MCC: variants seen among roughly 807,000 people sequenced by gnomAD.
MCC encodes colorectal mutant cancer protein.
In MCC, 90 loss-of-function variants were observed where a neutral mutation model predicts 116.2. The ratio of observed to expected loss-of-function variants is 0.77; its 90% CI spans 0.65 to 0.92. The LOEUF (loss-of-function observed/expected upper bound fraction) is 0.92. Among genes scored for constraint, MCC ranks in the 40% least tolerant of loss-of-function variants. The pLI, the probability that MCC is intolerant of heterozygous loss-of-function variation, is 0.00. For missense variants in MCC, 1,516 were observed against 1,312.2 expected, an observed-to-expected ratio of 1.16 and a Z score of -2.40; for synonymous variants, 578 against 510.5, an observed-to-expected ratio of 1.13 and a Z score of -1.78.
intron 3 of MCC, among the ~76,000 whole-genome samples, chr5:113,334,964 T>C (rs1270368816): frequency 1.3e-5 from 2 of 151,746 alleles, no homozygotes; most frequent in African/African-American, 4.9e-5. Flanking sequence ...AATTCCAATA[T>C]TTTATTTGTC....
At chr5:113,467,167 G>A (rs1216104705) in intron 1 of MCC, among the ~76,000 whole-genome samples, 2 of 151,880 alleles carry the variant, frequency 1.3e-5, no homozygotes, top group Non-Finnish European at 1.5e-5. Flanking sequence ...TTCTTTTGCT[G>A]TGCAGAAGCT....
chr5:113,129,937 A>G (rs1372398452), intron 5 of MCC, among the ~76,000 whole-genome samples: 1 of 152,254 alleles, frequency 6.6e-6, no homozygotes, highest in East Asian at 1.9e-4. Flanking sequence ...CAATTCCTCA[A>G]GGATCTAGAA....
intron 1 of MCC, among the ~76,000 whole-genome samples, chr5:113,468,217 T>A (rs1459785777): frequency 6.6e-6 from 1 of 152,190 alleles, no homozygotes; most frequent in African/African-American, 2.4e-5. Context: ...TCCAACACTA[T>A]GTTGAATAGG....
At position 113,327,561 on chromosome 5, in the gene MCC, A is replaced by AAAATATATATATAT. The variant is rs1480996383; in HGVS notation, c.627+12957_627+12958insATATATATATATTT. On this transcript the variant is annotated intron_variant, in intron 3 of 18. Transcript: ENST00000408903. ...ACTCAGTCTCAAAAAAAAAAAAAAA[A>AAAATATATATATAT]ATATATATATATATATATATATATA... Among the ~76,000 whole-genome samples, 98 of 80,510 alleles carry AAAATATATATATAT rather than the reference A, an allele frequency of 1.2e-3. 1 individual carries two copies. The highest frequency in any genetic ancestry group is 2.8e-3 in the African/African-American group (57 of 20,066). 52.8% of individuals were successfully genotyped at this position (80,510 alleles called of 152,430 possible). A position where few individuals can be genotyped will look rare whatever the true frequency, so the allele number is the denominator to read the frequency against.
intron 16 of MCC, among the ~76,000 whole-genome samples, chr5:113,047,055 C>G (rs928133887): frequency 5.9e-5 from 9 of 152,226 alleles, no homozygotes; most frequent in Non-Finnish European, 1.0e-4. Context: ...ACCTGCCCCT[C>G]TTCAACAGGC....
At chr5:113,069,726 C>A (rs138698685) in intron 12 of MCC, among the ~76,000 whole-genome samples, 1 of 152,170 alleles carries the variant, frequency 6.6e-6, no homozygotes, top group Admixed American at 6.5e-5. Context: ...GGACTACAGG[C>A]GTCCACCACC....
In MCC at chr5:113,101,721, T is replaced by G. The variant is rs769165080; in HGVS notation, c.1398+18A>C. 5 of 1,612,374 alleles carry G rather than the reference T, an allele frequency of 3.1e-6. No homozygotes were observed. Among genetic ancestry groups the G allele is most frequent in the Non-Finnish European group, 4.2e-6 (5 of 1,179,972 alleles). ...ATGCCCAGGAAGGGCCTGACCATTA[T>G]GGATGCAGCATGCTCACCCTCCTCC... On this transcript the variant is annotated intron_variant, in intron 8 of 18. Transcript: ENST00000408903.
chr5:113,348,001 G>C (rs1474978504), intron 2 of MCC, among the ~76,000 whole-genome samples: 1 of 151,864 alleles, frequency 6.6e-6, no homozygotes, highest in Admixed American at 6.6e-5. Flanking sequence ...ATGATAAAGG[G>C]GTCAATTCAG....
At chr5:113,100,141 G>C (rs1450877063) in intron 8 of MCC, among the ~76,000 whole-genome samples, 1 of 152,204 alleles carries the variant, frequency 6.6e-6, no homozygotes, top group Admixed American at 6.5e-5. Context: ...AAGACAAAAT[G>C]ATGTTCAGAT....
intron 3 of MCC, among the ~76,000 whole-genome samples, chr5:113,228,220 G>C (rs547402758): frequency 6.6e-6 from 1 of 152,178 alleles, no homozygotes; most frequent in Non-Finnish European, 1.5e-5. Context: ...TTGAGGCATG[G>C]TTTCTAATGT....
At chr5:113,059,369 G>C (rs530484920) in intron 14 of MCC, among the ~76,000 whole-genome samples, 8 of 152,290 alleles carry the variant, frequency 5.3e-5, no homozygotes, top group Admixed American at 3.3e-4. Context: ...ATATGATTAT[G>C]ACAATGGTAG....
rs759808090 is a variant in MCC at position 113,084,056 on chromosome 5, A to C, written c.1635+45T>G. On this transcript the variant is annotated intron_variant, in intron 10 of 18. Coordinates refer to ENST00000408903, the MANE Select transcript of MCC (RefSeq NM_001085377.2). ...GTCATCTATAATCCATTGTCTGTGTAGCTCTGCCGGGTACTTTCTTGCCTT... is the reference window on the plus strand; with the variant it reads ...GTCATCTATAATCCATTGTCTGTGTCGCTCTGCCGGGTACTTTCTTGCCTT... The C allele has an allele frequency of 2.8e-6, 4 of 1,447,444 alleles. No homozygotes were observed. In the South Asian group the frequency reaches 4.6e-5, roughly 17 times the overall value. 89.7% of individuals were successfully genotyped at this position (1,447,444 alleles called of 1,614,324 possible).
intron 16 of MCC, among the ~76,000 whole-genome samples, chr5:113,045,466 A>T (rs147828269): frequency 1.3e-5 from 2 of 152,326 alleles, no homozygotes; most frequent in Admixed American, 1.3e-4. Context: ...TGTGACAGGT[A>T]GAAATTATAT....
In MCC at chr5:113,053,196, G is replaced by T. The variant is rs550310734; in HGVS notation, c.2448+529C>A. On this transcript the variant is annotated intron_variant, in intron 15 of 18. Transcript: ENST00000408903. ...TCCACTAGCAGCTGAAGGGCCCAGT[G>T]TTTCAGATCCACTGAAACACTGACC... 2.0e-5 allele frequency among the ~76,000 whole-genome samples: 3 copies of T among 152,204 alleles called. No homozygotes were observed. The South Asian group carries it at 6.2e-4, about 32-fold the overall frequency.
rs1237473176 is a variant in MCC at position 113,022,166 on chromosome 5, GTATA to G, written c.*5132_*5135del. 6.6e-6 allele frequency: 1 copy of G among 152,524 alleles called. No homozygotes were observed. The highest frequency in any genetic ancestry group is 1.5e-5 in the Non-Finnish European group (1 of 68,022). 9.4% of individuals were successfully genotyped at this position (152,524 alleles called of 1,614,324 possible). A position where few individuals can be genotyped will look rare whatever the true frequency, so the allele number is the denominator to read the frequency against. On this transcript the variant is annotated 3_prime_UTR_variant, in exon 19 of 19. Coordinates refer to ENST00000408903, the MANE Select transcript of MCC (RefSeq NM_001085377.2). ...TTTGTAAAATATTATAAATGTCTCTGTATAAATAAATGGAGTTTTTAAAAAACAA... is the reference window on the plus strand; with the variant it reads ...TTTGTAAAATATTATAAATGTCTCTGAATAAATGGAGTTTTTAAAAAACAA...
intron 2 of MCC, among the ~76,000 whole-genome samples, chr5:113,377,694 C>G (rs981204270): frequency 6.6e-6 from 1 of 152,116 alleles, no homozygotes; most frequent in South Asian, 2.1e-4. Flanking sequence ...TAAAAAGAGA[C>G]AAAAATTAAC....
intron 3 of MCC, among the ~76,000 whole-genome samples, chr5:113,328,939 C>T (rs1362174193): frequency 6.6e-6 from 1 of 152,192 alleles, no homozygotes; most frequent in Non-Finnish European, 1.5e-5. Context: ...CCCAATGACA[C>T]TGCCTGCAGC....
chr5:113,369,308 T>C (rs1460828198), intron 2 of MCC, among the ~76,000 whole-genome samples: 1 of 152,118 alleles, frequency 6.6e-6, no homozygotes, highest in Non-Finnish European at 1.5e-5. Context: ...CTGCCAACCA[T>C]CAGTCAACTC....
intron 3 of MCC, among the ~76,000 whole-genome samples, chr5:113,184,497 T>TTTTTTTTA (rs1491319610): frequency 8.5e-6 from 1 of 117,262 alleles, no homozygotes; most frequent in Non-Finnish European, 1.9e-5. Context: ...TTTTTTTTTT[T>TTTTTTTTA]GGAGACAGAG....
Sources: gnomAD v4.1 joint callset for allele counts (sites outside exome capture counted in the v4.1 genomes callset) on GRCh38, gnomAD v4.1.1 for gene constraint, MANE v1.5 for transcripts, NCBI Gene and HGNC (gene_info 2026-07-23, HGNC 2026-07-21) for gene names.